The following ANKS6 variants were observed in gnomAD, a reference collection of about 807,000 sequenced individuals.
ANKS6 encodes the protein ankyrin repeat and SAM domain-containing protein 6.
ANKS6 carries 47 observed loss-of-function variants against 77.9 expected under a neutral mutation model. That is an observed-to-expected ratio of 0.60 (90% confidence interval 0.48 to 0.77). The LOEUF is 0.77. Ranked by LOEUF, ANKS6 falls within the 30% of genes least tolerant of loss-of-function variation. The pLI is 0.00. For synonymous variants in ANKS6, 488 were observed against 501.7 expected (o/e 0.97, Z 0.37); for missense variants, 1,150 against 1,159.1 (o/e 0.99, Z 0.11).
intron 14 of ANKS6, among the ~76,000 whole-genome samples, chr9:98,737,261 G>C (rs180807411): frequency 2.6e-5 from 4 of 152,306 alleles, no homozygotes; most frequent in Admixed American, 2.6e-4. Flanking sequence ...GTCCTAGCCA[G>C]AGCAATCAGA....
rs1458551591 is a variant in ANKS6 at position 98,733,056 on chromosome 9, TCAC to T, written c.*3460_*3462del. 10 of 814,974 alleles carry T rather than the reference TCAC, an allele frequency of 1.2e-5. No homozygotes were observed. Among genetic ancestry groups the T allele is most frequent in the Non-Finnish European group, 1.5e-5 (10 of 671,762 alleles). 50.5% of individuals were successfully genotyped at this position (814,974 alleles called of 1,614,324 possible). A position where few individuals can be genotyped will look rare whatever the true frequency, so the allele number is the denominator to read the frequency against. On this transcript the variant is annotated 3_prime_UTR_variant, in exon 15 of 15. Coordinates refer to ENST00000353234, the MANE Select transcript of ANKS6 (RefSeq NM_173551.5). Reference sequence around the variant, plus strand: ...TGAGCTGTATACCCAGCAGGCTTCATCACCACACCATCTCACCGACATGATTGT... The same window carrying T: ...TGAGCTGTATACCCAGCAGGCTTCATCACACCATCTCACCGACATGATTGT...
At position 98,736,348 on chromosome 9, in the gene ANKS6, T is replaced by C; in HGVS notation, c.*171A>G. On this transcript the variant is annotated 3_prime_UTR_variant, in exon 15 of 15. Coordinates refer to ENST00000353234, the MANE Select transcript of ANKS6 (RefSeq NM_173551.5). ...TCTGTCTCTGTGTGTTGAAGTTTGT[T>C]GCAGCAAGAAGTACTACCAATGAAT... is the stretch of plus-strand genomic sequence containing the variant. 7.0e-7 allele frequency: 1 copy of C among 1,424,694 alleles called. No individual in the cohort carries two copies. The allele number at this position is 1,424,694 out of a possible 1,614,324, so 88.3% of individuals were successfully genotyped here. A position where few individuals can be genotyped will look rare whatever the true frequency, so the allele number is the denominator to read the frequency against.
At chr9:98,756,680 G>T in intron 11 of ANKS6, 77 bp from the exon 12 acceptor site, 1 of 1,226,682 alleles carries the variant, frequency 8.2e-7, no homozygotes. Flanking sequence ...ACCCACAACA[G>T]GGAACATGGG....
At chr9:98,789,772 G>T in intron 2 of ANKS6, 1 of 266,316 alleles carries the variant, frequency 3.8e-6, no homozygotes, top group Non-Finnish European at 7.2e-6. Context: ...CAGTCTATTT[G>T]GCCTTTTACA....
chr9:98,789,823 C>T, intron 2 of ANKS6: 1 of 388,994 alleles, frequency 2.6e-6, no homozygotes, highest in Non-Finnish European at 4.5e-6. Context: ...GGCCCCAGAA[C>T]CACCTGCATC....
At chr9:98,755,586 A>C (rs1022379009) in intron 12 of ANKS6, among the ~76,000 whole-genome samples, 1 of 152,224 alleles carries the variant, frequency 6.6e-6, no homozygotes, top group Non-Finnish European at 1.5e-5. Context: ...GCAGACATCA[A>C]CTGCTTTTGC....
intron 13 of ANKS6, among the ~76,000 whole-genome samples, chr9:98,749,951 C>T (rs763101606): frequency 2.9e-4 from 44 of 152,210 alleles, no homozygotes; most frequent in Non-Finnish European, 5.9e-4. Context: ...ACCCTGGAGG[C>T]TGGTGGGCCT....
At chr9:98,794,799 CCA>C (rs1835088561) in intron 1 of ANKS6, among the ~76,000 whole-genome samples, 2 of 152,126 alleles carry the variant, frequency 1.3e-5, no homozygotes, top group Admixed American at 1.3e-4. Context: ...CCCAAACCTA[CCA>C]TACAAGAGAA....
rs1355654816 is a variant in ANKS6 at position 98,790,228 on chromosome 9, C to T, written c.738G>A (p.Glu246=). 1.2e-6 allele frequency: 2 copies of T among 1,607,340 alleles called. No individual in the cohort carries two copies. The highest frequency in any genetic ancestry group is 2.2e-5 in the East Asian group (1 of 44,658). The stretch of plus-strand genomic sequence containing the variant: ...TGAGGTGGTCAGGGTTGGCGCCCTT[C>T]TCCACCAGCTGCTGGGCCACTCCAA... ...GRLGVAQQLV[E]KGANPDHLSV... is the part of the protein sequence containing the mutation. Residue 246 remains glutamate (E), a synonymous_variant, in exon 2 of 15, where the codon GAG becomes GAA. Transcript: ENST00000353234.
chr9:98,757,168 T>C (rs1237339613), intron 11 of ANKS6, among the ~76,000 whole-genome samples: 1 of 152,226 alleles, frequency 6.6e-6, no homozygotes, highest in Admixed American at 6.5e-5. Context: ...CTTCCTGATA[T>C]TAATATCTAC....
In ANKS6 at chr9:98,741,448, G is replaced by A. The variant is rs1831824023; in HGVS notation, c.2511+4111C>T. 2.0e-5 allele frequency among the ~76,000 whole-genome samples: 3 copies of A among 152,174 alleles called. No individual in the cohort carries two copies. The South Asian group carries it at 6.2e-4, about 32-fold the overall frequency. ...TTTAAAAAAGAAAAAACAAAAAAAA[G>A]GACACAAAACACTGCAGAGTAATCT... On this transcript the variant is annotated intron_variant, in intron 14 of 14. Transcript: ENST00000353234.
intron 10 of ANKS6, among the ~76,000 whole-genome samples, chr9:98,768,640 A>C (rs1481992772): frequency 6.6e-6 from 1 of 152,164 alleles, no homozygotes; most frequent in African/African-American, 2.4e-5. Flanking sequence ...GTCTGGCTGC[A>C]CCAGGGCTTC....
In ANKS6 at chr9:98,774,097, G is replaced by T; in HGVS notation, c.1618-17C>A. ...GTTTCGAAGCTGAAAAAGACAGGCT[G>T]AGGGTTAGACAAGCCCCCAGGAGGG... On this transcript the variant is annotated splice_polypyrimidine_tract_variant and intron_variant, in intron 8 of 14. Transcript: ENST00000353234. 1 of 1,448,614 alleles carries T rather than the reference G, an allele frequency of 6.9e-7. No individual in the cohort carries two copies. The allele number at this position is 1,448,614 out of a possible 1,614,324, so 89.7% of individuals were successfully genotyped here.
chr9:98,740,660 A>T (rs1831777576), intron 14 of ANKS6, among the ~76,000 whole-genome samples: 1 of 152,178 alleles, frequency 6.6e-6, no homozygotes, highest in Non-Finnish European at 1.5e-5. Flanking sequence ...CTGCCTGCTA[A>T]CCTTAGGAGG....
chr9:98,778,363 C>A lies in ANKS6; in HGVS notation c.1430G>T (p.Arg477Leu), dbSNP rs368551263. Residue 477 changes from arginine to leucine, a missense_variant, in exon 7 of 15, where the codon CGT becomes CTT. Physicochemically the swap from Arg to Leu is moderately radical, Grantham distance 102. Transcript: ENST00000353234. ...CAAAGGCTGGTTGCTGGACAGCCCA[C>A]GGGGCAGCGTCTGCATCAGTTTGAG... is the stretch of plus-strand genomic sequence containing the variant. ...RKLKLMQTLP[R>L]GLSSNQPLPF... The A allele has an allele frequency of 6.2e-7, 1 of 1,614,022 alleles. No homozygotes were observed. The highest frequency in any genetic ancestry group is 1.1e-5 in the South Asian group (1 of 91,076).
rs1834489959 is a variant in ANKS6 at position 98,785,028 on chromosome 9, C to G, written c.863-152G>C. ...CCTACGTAATGGACAAATCCAGCAG[C>G]TCTTCTGGAAGGTTTATTACCCAAG... On this transcript the variant is annotated intron_variant, in intron 2 of 14. Coordinates refer to ENST00000353234, the MANE Select transcript of ANKS6 (RefSeq NM_173551.5). 7.6e-6 allele frequency: 5 copies of G among 661,388 alleles called. No homozygotes were observed. The Admixed American group carries it at 1.5e-4, about 19-fold the overall frequency. The allele number at this position is 661,388 out of a possible 1,614,324, so 41.0% of individuals were successfully genotyped here.
At chr9:98,792,669 T>A (rs144597801) in intron 1 of ANKS6, among the ~76,000 whole-genome samples, 289 of 152,282 alleles carry the variant, frequency 1.9e-3, no homozygotes, top group African/African-American at 6.6e-3. Flanking sequence ...ACAAGGTGCG[T>A]CACATTTTTA....
chr9:98,750,896 G>A, intron 13 of ANKS6, 133 bp downstream of exon 13: 1 of 701,218 alleles, frequency 1.4e-6, no homozygotes. Flanking sequence ...ATCCCGCTAA[G>A]CACGAATTCT....
rs1394876391 is a variant in ANKS6 at position 98,758,344 on chromosome 9, T to G, written c.2143-1741A>C. On this transcript the variant is annotated intron_variant, in intron 11 of 14. Transcript: ENST00000353234. ...TCTTTCTTTTTTTTTTTTTTTGTCTTTCTTTTTAAAAGTATTTGCCTACTT... is the reference window on the plus strand; with the variant it reads ...TCTTTCTTTTTTTTTTTTTTTGTCTGTCTTTTTAAAAGTATTTGCCTACTT... 6.6e-5 allele frequency among the ~76,000 whole-genome samples: 10 copies of G among 151,598 alleles called. No homozygotes were observed. In the South Asian group the frequency reaches 1.9e-3, roughly 28 times the overall value.
Sources: gnomAD v4.1 joint callset for allele counts (sites outside exome capture counted in the v4.1 genomes callset) on GRCh38, gnomAD v4.1.1 for gene constraint, MANE v1.5 for transcripts, NCBI Gene and HGNC (gene_info 2026-07-23, HGNC 2026-07-21) for gene names.